Variants in RGS6 observed in about 807,000 individuals in gnomAD.
RGS6 encodes regulator of G protein signaling 6, also known as regulator of G-protein signaling 6.
Under a neutral mutation model 78.5 loss-of-function variants are expected in RGS6, and 30 were observed. That is an observed-to-expected ratio of 0.38 (90% CI 0.29 to 0.52). The LOEUF is 0.52. RGS6 is among the 20% of genes least tolerant of loss of function. RGS6 has a pLI of 0.85. For synonymous variants in RGS6, 206 were observed against 206.0 expected (o/e 1.00, Z 0.00); for missense variants, 495 against 609.7 (o/e 0.81, Z 1.98).
intron 2 of RGS6, among the ~76,000 whole-genome samples, chr14:72,083,253 CG>C (rs2094897443): frequency 6.6e-6 from 1 of 152,074 alleles, no homozygotes. Flanking sequence ...CATAGATCAA[CG>C]GTTCCCAACC....
At chr14:71,962,204 A>T (rs1482367752) in intron 1 of RGS6, among the ~76,000 whole-genome samples, 3 of 152,342 alleles carry the variant, frequency 2.0e-5, no homozygotes, top group Admixed American at 2.0e-4. Flanking sequence ...GACTATCTGC[A>T]TTCACTTAGT....
At chr14:72,524,810 C>T (rs576435679) in intron 15 of RGS6, among the ~76,000 whole-genome samples, 2 of 152,304 alleles carry the variant, frequency 1.3e-5, no homozygotes, top group African/African-American at 4.8e-5. Context: ...GAAAGCACTT[C>T]ATTGAGATAG....
At chr14:72,158,672 TC>T (rs2153655641) in intron 2 of RGS6, among the ~76,000 whole-genome samples, 1 of 152,316 alleles carries the variant, frequency 6.6e-6, no homozygotes, top group South Asian at 2.1e-4. Context: ...CAAGATAATT[TC>T]CGTAAACATG....
intron 2 of RGS6, among the ~76,000 whole-genome samples, chr14:72,050,634 A>T (rs1199262159): frequency 6.6e-6 from 1 of 152,222 alleles, no homozygotes; most frequent in Non-Finnish European, 1.5e-5. Flanking sequence ...AGGGGAAAGG[A>T]GATGCTGTGT....
intron 2 of RGS6, among the ~76,000 whole-genome samples, chr14:72,046,690 T>A (rs1478946193): frequency 1.3e-5 from 2 of 151,106 alleles, no homozygotes; most frequent in Admixed American, 1.3e-4. Context: ...TCTTAACTCA[T>A]CCTTCACTAA....
At chr14:72,219,174 G>A (rs904061182) in intron 2 of RGS6, among the ~76,000 whole-genome samples, 1 of 152,076 alleles carries the variant, frequency 6.6e-6, no homozygotes, top group Admixed American at 6.5e-5. Context: ...CAAGAAAGGA[G>A]AATGTCATCT....
At chr14:72,086,667 TG>T (rs2095052260) in intron 2 of RGS6, among the ~76,000 whole-genome samples, 1 of 152,196 alleles carries the variant, frequency 6.6e-6, no homozygotes, top group Non-Finnish European at 1.5e-5. Context: ...GTTGCAACTG[TG>T]AACCACCCTG....
chr14:71,922,682 T>C, the RGS6 span, among the ~76,000 whole-genome samples: 1 of 152,218 alleles, frequency 6.6e-6, no homozygotes, highest in East Asian at 1.9e-4. Flanking sequence ...GTACATTGCA[T>C]TTAGTTATCA....
chr14:72,070,396 C>T (rs1349499146), intron 2 of RGS6, among the ~76,000 whole-genome samples: 1 of 152,174 alleles, frequency 6.6e-6, no homozygotes, highest in Non-Finnish European at 1.5e-5. Context: ...TATGAACTCG[C>T]ACTGCAAACT....
chr14:72,290,072 A>G (rs749882081), intron 2 of RGS6, among the ~76,000 whole-genome samples: 1 of 152,256 alleles, frequency 6.6e-6, no homozygotes, highest in Non-Finnish European at 1.5e-5. Context: ...TCATTTTGGC[A>G]TGGTGAATCA....
intron 2 of RGS6, among the ~76,000 whole-genome samples, chr14:72,163,312 A>G (rs1031149545): frequency 2.0e-5 from 3 of 152,236 alleles, no homozygotes; most frequent in African/African-American, 7.2e-5. Flanking sequence ...TTAGCTTATG[A>G]GGTGGTTGGT....
At chr14:72,618,927 ACAC>A in the RGS6 span, among the ~76,000 whole-genome samples, 1 of 152,194 alleles carries the variant, frequency 6.6e-6, no homozygotes, top group Non-Finnish European at 1.5e-5. Flanking sequence ...AGATAAAAAA[ACAC>A]CACACTACAC....
chr14:72,326,931 T>C (rs2073928408), intron 2 of RGS6, among the ~76,000 whole-genome samples: 1 of 152,078 alleles, frequency 6.6e-6, no homozygotes, highest in Admixed American at 6.6e-5. Flanking sequence ...ATGGTCTCAA[T>C]CTCCTGACCT....
chr14:72,480,313 G>C (rs1354475514), intron 12 of RGS6, among the ~76,000 whole-genome samples: 3 of 152,222 alleles, frequency 2.0e-5, no homozygotes, highest in African/African-American at 7.2e-5. Context: ...GGTGTGCAGA[G>C]AGTCCAAGGA....
At chr14:72,000,533 T>C (rs1314773730) in intron 2 of RGS6, among the ~76,000 whole-genome samples, 2 of 152,128 alleles carry the variant, frequency 1.3e-5, no homozygotes, top group Non-Finnish European at 1.5e-5. Context: ...GAGAGCCAAG[T>C]AAGAGCTCAG....
chr14:72,191,020 T>C (rs1032707103), intron 2 of RGS6, among the ~76,000 whole-genome samples: 2 of 152,190 alleles, frequency 1.3e-5, no homozygotes, highest in Non-Finnish European at 2.9e-5. Context: ...TCATTTTGCA[T>C]GGAAGGTCTT....
chr14:72,051,199 G>A (rs1024196602), intron 2 of RGS6, among the ~76,000 whole-genome samples: 1 of 152,132 alleles, frequency 6.6e-6, no homozygotes, highest in African/African-American at 2.4e-5. Context: ...TGTTTTCAAG[G>A]AGAGCACTTG....
the RGS6 span, among the ~76,000 whole-genome samples, chr14:72,593,056 A>G: frequency 6.6e-6 from 1 of 152,286 alleles, no homozygotes; most frequent in East Asian, 1.9e-4. Flanking sequence ...ATGATTTCCA[A>G]TTCCTAGGAG....
rs113823816 is a variant in RGS6, at chr14:71,945,975, A to G, written c.-21+13034A>G. The stretch of plus-strand genomic sequence containing the variant: ...ATTTTCTCCTTAAACTTCTATGGAA[A>G]TGCTACAGTGTTTAGATTCCAAATC... On this transcript the variant is annotated intron_variant, in intron 1 of 17. Coordinates refer to ENST00000553525, the MANE Select transcript of RGS6 (RefSeq NM_001204424.2). Among the ~76,000 whole-genome samples, 1,382 of 152,316 alleles carry G rather than the reference A, an allele frequency of 9.1e-3. 18 individuals are homozygous for G. Among genetic ancestry groups the G allele is most frequent in the African/African-American group, 0.032 (1,317 of 41,542 alleles).
Sources: gnomAD v4.1 joint callset for allele counts (sites outside exome capture counted in the v4.1 genomes callset) on GRCh38, gnomAD v4.1.1 for gene constraint, MANE v1.5 for transcripts, NCBI Gene and HGNC (gene_info 2026-07-23, HGNC 2026-07-21) for gene names.